The following FARS2 variants were observed in gnomAD, a reference collection of about 807,000 sequenced individuals.
FARS2 encodes phenylalanine--tRNA ligase, mitochondrial.
A neutral mutation model predicts 46.4 loss-of-function variants in FARS2; 40 were observed. That is an observed-to-expected ratio of 0.86 (90% CI 0.67 to 1.12). The LOEUF (loss-of-function observed/expected upper bound fraction) is 1.12. Among genes scored for constraint, FARS2 ranks in the 50% most tolerant of loss-of-function variants. The pLI, the probability that FARS2 is intolerant of heterozygous loss-of-function variation, is 0.00. For missense variants in FARS2, 513 were observed against 567.9 expected, an observed-to-expected ratio of 0.90 and a Z score of 0.98; for synonymous variants, 234 against 214.9, an observed-to-expected ratio of 1.09 and a Z score of -0.78.
intron 6 of FARS2, among the ~76,000 whole-genome samples, chr6:5,719,381 T>A: frequency 1.1e-5 from 1 of 90,884 alleles, no homozygotes. Flanking sequence ...GGCAAGACCC[T>A]GTCTCAAAAA....
rs116696081 is a variant in FARS2 at position 5,674,871 on chromosome 6, G to T, written c.1217+61551G>T. Among the ~76,000 whole-genome samples, 1,121 of 152,250 alleles carry T rather than the reference G, an allele frequency of 7.4e-3. 17 individuals carry two copies. The highest frequency in any genetic ancestry group is 0.026 in the African/African-American group (1,067 of 41,528). ...TTTTTTAAAGAAATTGCCTGGTCTA[G>T]TTCCTTCATTATACAAATGAAACCA... is the stretch of plus-strand genomic sequence containing the variant. On this transcript the variant is annotated intron_variant, in intron 6 of 6. Transcript: ENST00000274680.
At chr6:5,383,522 T>TAACACTCTG (rs1339846689) in intron 2 of FARS2, among the ~76,000 whole-genome samples, 3 of 151,982 alleles carry the variant, frequency 2.0e-5, no homozygotes, top group Admixed American at 6.5e-5. Flanking sequence ...TCTTTAACGT[T>TAACACTCTG]AACACTCTGA....
chr6:5,468,602 A>G (rs1418398365), intron 4 of FARS2, among the ~76,000 whole-genome samples: 2 of 152,226 alleles, frequency 1.3e-5, no homozygotes, highest in Non-Finnish European at 2.9e-5. Flanking sequence ...TCATTCATAA[A>G]AGGTAATGAC....
chr6:5,613,712 C>T (rs1189328331), intron 6 of FARS2, among the ~76,000 whole-genome samples: 4 of 152,162 alleles, frequency 2.6e-5, no homozygotes, highest in Non-Finnish European at 2.9e-5. Flanking sequence ...ACTTACCACA[C>T]GCCAAGATCT....
At chr6:5,561,555 G>A (rs1771986516) in intron 5 of FARS2, among the ~76,000 whole-genome samples, 2 of 152,040 alleles carry the variant, frequency 1.3e-5, no homozygotes, top group African/African-American at 4.8e-5. Flanking sequence ...AGATAATAAT[G>A]CCTTTTATTT....
At chr6:5,300,395 G>C (rs1012654352) in intron 1 of FARS2, among the ~76,000 whole-genome samples, 7 of 152,178 alleles carry the variant, frequency 4.6e-5, no homozygotes, top group African/African-American at 1.7e-4. Flanking sequence ...CTTTGACTTG[G>C]AAGGGACATC....
intron 6 of FARS2, among the ~76,000 whole-genome samples, chr6:5,725,425 C>G: frequency 6.6e-6 from 1 of 152,196 alleles, no homozygotes; most frequent in East Asian, 1.9e-4. Context: ...AGTTTTGAGG[C>G]AGTTATTTTA....
intron 1 of FARS2, among the ~76,000 whole-genome samples, chr6:5,333,548 G>A (rs1021429004): frequency 6.6e-6 from 1 of 152,188 alleles, no homozygotes; most frequent in Non-Finnish European, 1.5e-5. Context: ...ATCATATTAA[G>A]TAGATATTTT....
chr6:5,472,188 G>A (rs1460461030), intron 4 of FARS2, among the ~76,000 whole-genome samples: 1 of 152,162 alleles, frequency 6.6e-6, no homozygotes, highest in Non-Finnish European at 1.5e-5. Context: ...TGGTGTAGTG[G>A]TGCTTCTGGA....
chr6:5,529,927 C>T (rs528098691), intron 4 of FARS2, among the ~76,000 whole-genome samples: 8 of 152,234 alleles, frequency 5.3e-5, no homozygotes, highest in African/African-American at 1.9e-4. Flanking sequence ...CCAAACTGCC[C>T]CAGCCAGCAG....
chr6:5,501,198 A>G (rs1767780905), intron 4 of FARS2, among the ~76,000 whole-genome samples: 1 of 152,142 alleles, frequency 6.6e-6, no homozygotes, highest in African/African-American at 2.4e-5. Flanking sequence ...TAGTATCGGT[A>G]TACCTCAGCC....
intron 6 of FARS2, among the ~76,000 whole-genome samples, chr6:5,614,968 C>T (rs1303700819): frequency 3.3e-5 from 5 of 152,128 alleles, no homozygotes; most frequent in African/African-American, 1.2e-4. Context: ...CTCGATTGTC[C>T]TCTCAAGTTT....
intron 1 of FARS2, among the ~76,000 whole-genome samples, chr6:5,275,658 T>G (rs763132181): frequency 6.6e-6 from 1 of 152,188 alleles, no homozygotes; most frequent in Non-Finnish European, 1.5e-5. Flanking sequence ...ACATGAAGTG[T>G]TCAGCCACAG....
At position 5,764,840 on chromosome 6, in the gene FARS2, G is replaced by A. The variant is rs945124481; in HGVS notation, c.1218-6451G>A. Among the ~76,000 whole-genome samples, 5 of 152,136 alleles carry A rather than the reference G, an allele frequency of 3.3e-5. No homozygotes were observed. The highest frequency in any genetic ancestry group is 9.7e-5 in the African/African-American group (4 of 41,416). ...GTATGATAGAGGAATTCCAACCCTC[G>A]CTAACACTCTGACCCCTTGTGCCAG... On this transcript the variant is annotated intron_variant, in intron 6 of 6. Coordinates refer to ENST00000274680, the MANE Select transcript of FARS2 (RefSeq NM_006567.5). The surrounding 1 kb of genome is among the most constrained non-coding windows in gnomAD (Gnocchi z 4.1).
intron 6 of FARS2, among the ~76,000 whole-genome samples, chr6:5,676,771 G>A (rs900574094): frequency 6.6e-6 from 1 of 152,202 alleles, no homozygotes; most frequent in Non-Finnish European, 1.5e-5. Context: ...AATCTTGGTA[G>A]TCAATCTCAA....
At chr6:5,608,291 TG>T (rs1370243711) in intron 5 of FARS2, among the ~76,000 whole-genome samples, 1 of 152,196 alleles carries the variant, frequency 6.6e-6, no homozygotes, top group Admixed American at 6.5e-5. Flanking sequence ...CACACATTTT[TG>T]CCTATGCCAT....
chr6:5,563,493 T>C (rs1267522132), intron 5 of FARS2, among the ~76,000 whole-genome samples: 2 of 152,094 alleles, frequency 1.3e-5, no homozygotes, highest in Non-Finnish European at 2.9e-5. Flanking sequence ...AATGAAAACT[T>C]CCCAAGGACC....
intron 1 of FARS2, among the ~76,000 whole-genome samples, chr6:5,291,923 G>A (rs1767533838): frequency 6.6e-6 from 1 of 152,174 alleles, no homozygotes; most frequent in South Asian, 2.1e-4. Context: ...GTCTGTAGGG[G>A]AGACTAATAA....
intron 6 of FARS2, among the ~76,000 whole-genome samples, chr6:5,659,038 A>G (rs1047764896): frequency 6.6e-6 from 1 of 152,190 alleles, no homozygotes; most frequent in African/African-American, 2.4e-5. Flanking sequence ...GCGTTGGACT[A>G]CAGTTGTTCC....
Sources: allele counts gnomAD v4.1 joint callset (sites outside exome capture counted in the v4.1 genomes callset), GRCh38; gene constraint gnomAD v4.1.1; non-coding constraint Gnocchi (gnomAD v3.1); transcripts MANE v1.5; gene names NCBI Gene and HGNC (gene_info 2026-07-23, HGNC 2026-07-21).